The following BLK variants were observed in gnomAD, a reference collection of about 807,000 sequenced individuals.
BLK encodes tyrosine-protein kinase Blk.
BLK carries 64 observed loss-of-function variants against 61.8 expected under a neutral mutation model. The observed-to-expected ratio is 1.03, with a 90% CI of 0.85 to 1.27. The LOEUF (loss-of-function observed/expected upper bound fraction) is 1.27, where lower values mean the gene tolerates loss of function less well. Ranked by LOEUF, BLK falls within the 50% of genes most tolerant of loss-of-function variation. The pLI, the probability that BLK is intolerant of heterozygous loss-of-function variation, is 0.00. For missense variants in BLK, 853 were observed against 660.5 expected (o/e 1.29, Z -3.19); for synonymous variants, 351 against 272.0 (o/e 1.29, Z -2.86).
intron 1 of BLK, among the ~76,000 whole-genome samples, chr8:11,521,046 A>G (rs1337106687): frequency 6.6e-6 from 1 of 152,244 alleles, no homozygotes; most frequent in East Asian, 1.9e-4. Context: ...CTGAAACTGT[A>G]TCATTAAACT....
At chr8:11,550,577 G>T (rs1430706847) in intron 6 of BLK, among the ~76,000 whole-genome samples, 2 of 152,276 alleles carry the variant, frequency 1.3e-5, no homozygotes, top group Non-Finnish European at 2.9e-5. Flanking sequence ...GGGGAACCCT[G>T]AGCCCTTAAC....
chr8:11,510,599 T>A (rs1798960447), intron 1 of BLK, among the ~76,000 whole-genome samples: 2 of 152,094 alleles, frequency 1.3e-5, no homozygotes, highest in South Asian at 4.1e-4. Context: ...AAATGTTTTT[T>A]AAAAAACCCA....
chr8:11,494,957 T>C (rs1272510406), intron 1 of BLK, among the ~76,000 whole-genome samples: 1 of 152,304 alleles, frequency 6.6e-6, no homozygotes, highest in East Asian at 1.9e-4. Flanking sequence ...TAGGAGGTGA[T>C]ATTGACTGTG....
At chr8:11,510,323 T>C (rs1355479786) in intron 1 of BLK, among the ~76,000 whole-genome samples, 1 of 152,162 alleles carries the variant, frequency 6.6e-6, no homozygotes, top group African/African-American at 2.4e-5. Flanking sequence ...TGGCCAGGGT[T>C]ACTGGTGTGG....
At chr8:11,511,177 C>T (rs150181180) in intron 1 of BLK, among the ~76,000 whole-genome samples, 1 of 152,152 alleles carries the variant, frequency 6.6e-6, no homozygotes, top group Non-Finnish European at 1.5e-5. Flanking sequence ...TTCCACCCAA[C>T]GGAGTGGGAG....
At chr8:11,533,900 A>C (rs1426857442) in intron 1 of BLK, among the ~76,000 whole-genome samples, 1 of 152,376 alleles carries the variant, frequency 6.6e-6, no homozygotes, top group East Asian at 1.9e-4. Context: ...CTGGCAGTAA[A>C]ACTGCAGGCA....
At chr8:11,510,386 G>C (rs772913733) in intron 1 of BLK, among the ~76,000 whole-genome samples, 2 of 152,102 alleles carry the variant, frequency 1.3e-5, no homozygotes, top group Non-Finnish European at 2.9e-5. Flanking sequence ...GACTCATAAG[G>C]AAACAAACCC....
At chr8:11,551,633 G>T (rs1210058960) in intron 6 of BLK, among the ~76,000 whole-genome samples, 1 of 152,116 alleles carries the variant, frequency 6.6e-6, no homozygotes, top group African/African-American at 2.4e-5. Context: ...CAGAATCCCG[G>T]GTGTGACCAT....
At chr8:11,496,939 T>G (rs1431720984) in intron 1 of BLK, among the ~76,000 whole-genome samples, 1 of 152,120 alleles carries the variant, frequency 6.6e-6, no homozygotes, top group East Asian at 1.9e-4. Context: ...ACCTGCAGCC[T>G]GGGGTCTGCA....
At chr8:11,558,540 G>A (rs1243386944) in intron 10 of BLK, 1 of 417,682 alleles carries the variant, frequency 2.4e-6, no homozygotes, top group Non-Finnish European at 4.8e-6. Flanking sequence ...AGATGCCAGG[G>A]ACATGACTTC....
rs534513424 is a variant in BLK at position 11,524,857 on chromosome 8, C to T, written c.-1-18367C>T. On this transcript the variant is annotated intron_variant, in intron 1 of 12. Coordinates refer to ENST00000259089, the MANE Select transcript of BLK (RefSeq NM_001715.3). ...CGACAGGAAAAAGATGACCGTGATA[C>T]GCTCTGCTAAAAGCAGGTCGCAAAA... Among the ~76,000 whole-genome samples, 19 of 151,480 alleles carry T rather than the reference C, an allele frequency of 1.3e-4. No homozygotes were observed. The South Asian group carries it at 4.0e-3, about 32-fold the overall frequency.
At chr8:11,543,158 C>A in intron 1 of BLK, 66 bp from the exon 2 acceptor site, 1 of 1,610,000 alleles carries the variant, frequency 6.2e-7, no homozygotes, top group South Asian at 1.1e-5. Flanking sequence ...GCCAGGGATC[C>A]CCTCTGTGCA....
At chr8:11,518,240 G>C (rs1799304713) in intron 1 of BLK, among the ~76,000 whole-genome samples, 1 of 152,220 alleles carries the variant, frequency 6.6e-6, no homozygotes, top group South Asian at 2.1e-4. Context: ...TCAGACCCCA[G>C]CTGAGACGAA....
intron 1 of BLK, among the ~76,000 whole-genome samples, chr8:11,515,138 G>C (rs1390947034): frequency 6.6e-6 from 1 of 152,192 alleles, no homozygotes; most frequent in East Asian, 1.9e-4. Context: ...TGTTTTGCTG[G>C]TTGGTGCCAG....
chr8:11,515,653 C>G (rs1375537684), intron 1 of BLK, among the ~76,000 whole-genome samples: 2 of 152,088 alleles, frequency 1.3e-5, no homozygotes, highest in Non-Finnish European at 2.9e-5. Flanking sequence ...CACTTACCTC[C>G]TTAATTTTCA....
intron 4 of BLK, 35 bp from the exon 5 acceptor site, chr8:11,548,989 C>A (rs1800777825): frequency 1.3e-6 from 2 of 1,564,606 alleles, no homozygotes; most frequent in African/African-American, 2.7e-5. Context: ...CTACAGGGGC[C>A]ATGATCTCAT....
intron 1 of BLK, among the ~76,000 whole-genome samples, chr8:11,510,783 AAAT>A (rs1798970081): frequency 2.2e-5 from 3 of 134,300 alleles, no homozygotes; most frequent in Non-Finnish European, 4.6e-5. Flanking sequence ...TCAAATAAAT[AAAT>A]AAATAAATAA....
At chr8:11,530,316 C>T (rs1585364939) in intron 1 of BLK, among the ~76,000 whole-genome samples, 1 of 152,150 alleles carries the variant, frequency 6.6e-6, no homozygotes, top group South Asian at 2.1e-4. Flanking sequence ...AGTTCCTGGG[C>T]CTGTCAGAAA....
chr8:11,514,254 A>G (rs552365681), intron 1 of BLK, among the ~76,000 whole-genome samples: 26 of 152,228 alleles, frequency 1.7e-4, no homozygotes, highest in Non-Finnish European at 3.2e-4. Context: ...AGGACTCAGC[A>G]AATAGAGCCT....
Sources: gnomAD v4.1 joint callset for allele counts (sites outside exome capture counted in the v4.1 genomes callset) on GRCh38, gnomAD v4.1.1 for gene constraint, MANE v1.5 for transcripts, NCBI Gene and HGNC (gene_info 2026-07-23, HGNC 2026-07-21) for gene names.